TENM4: variants seen among roughly 807,000 people sequenced by gnomAD.
TENM4 encodes the protein teneurin transmembrane protein 4.
A neutral mutation model predicts 243.3 loss-of-function variants in TENM4; 82 were observed. The observed-to-expected ratio is 0.34, with a 90% CI of 0.28 to 0.40. TENM4 has a LOEUF of 0.40. TENM4 is among the 10% of genes least tolerant of loss of function. The pLI is 1.00. For synonymous variants in TENM4, 1,412 were observed against 1,456.3 expected, an observed-to-expected ratio of 0.97 and a Z score of 0.69; for missense variants, 3,138 against 3,673.3, an observed-to-expected ratio of 0.85 and a Z score of 3.77.
intron 1 of TENM4, among the ~76,000 whole-genome samples, chr11:79,316,977 T>C (rs1856813238): frequency 6.6e-6 from 1 of 152,232 alleles, no homozygotes; most frequent in Admixed American, 6.5e-5. Context: ...AACTGGGCAA[T>C]GGGAGTTATT....
intron 6 of TENM4, among the ~76,000 whole-genome samples, chr11:78,930,607 G>A (rs924904864): frequency 1.3e-5 from 2 of 152,140 alleles, no homozygotes; most frequent in Non-Finnish European, 2.9e-5. Context: ...AGGATCCTGG[G>A]GAAGATGAAA....
chr11:78,885,943 A>G (rs1855538923), intron 9 of TENM4, among the ~76,000 whole-genome samples: 1 of 152,154 alleles, frequency 6.6e-6, no homozygotes, highest in Non-Finnish European at 1.5e-5. Flanking sequence ...ACAAACAAAC[A>G]AACAAACTAA....
chr11:78,812,910 T>C (rs1857529180), intron 13 of TENM4, among the ~76,000 whole-genome samples: 3 of 152,176 alleles, frequency 2.0e-5, no homozygotes, highest in South Asian at 2.1e-4. Context: ...TTTGTGATCT[T>C]CTCTATGAAG....
chr11:78,859,655 C>T (rs1325746389), intron 10 of TENM4, among the ~76,000 whole-genome samples: 2 of 152,200 alleles, frequency 1.3e-5, no homozygotes, highest in Admixed American at 1.3e-4. Flanking sequence ...TCTCTCCCTC[C>T]ACCTTTTTGG....
chr11:79,189,182 A>G (rs1356677073), intron 3 of TENM4, among the ~76,000 whole-genome samples: 5 of 152,234 alleles, frequency 3.3e-5, no homozygotes, highest in Non-Finnish European at 7.3e-5. Flanking sequence ...GATCTTGAAT[A>G]AGGTACTTTA....
chr11:78,974,856 T>G (rs965575102), intron 6 of TENM4, among the ~76,000 whole-genome samples: 4 of 151,906 alleles, frequency 2.6e-5, no homozygotes, highest in Non-Finnish European at 5.9e-5. Flanking sequence ...GGCTAATTTT[T>G]ATATTTTTAG....
intron 1 of TENM4, among the ~76,000 whole-genome samples, chr11:79,390,017 G>T (rs896223990): frequency 6.6e-5 from 10 of 152,192 alleles, no homozygotes; most frequent in African/African-American, 2.4e-4. Context: ...CAGCTGTGTG[G>T]GGATAGATTT....
At chr11:79,004,865 A>G (rs1209054628) in intron 6 of TENM4, among the ~76,000 whole-genome samples, 4 of 151,668 alleles carry the variant, frequency 2.6e-5, no homozygotes, top group Admixed American at 2.0e-4. Context: ...GCTAATAAAG[A>G]AAAAAAGAGA....
chr11:78,896,704 G>A (rs1412814772), intron 7 of TENM4, among the ~76,000 whole-genome samples: 2 of 152,086 alleles, frequency 1.3e-5, no homozygotes, highest in Non-Finnish European at 2.9e-5. Flanking sequence ...ACCAATTTAT[G>A]CCTGGAGAAG....
At chr11:79,222,835 C>G (rs1051353393) in intron 2 of TENM4, among the ~76,000 whole-genome samples, 2 of 152,108 alleles carry the variant, frequency 1.3e-5, no homozygotes, top group Non-Finnish European at 2.9e-5. Context: ...CCTTTGCACA[C>G]TTTTTGATAG....
intron 2 of TENM4, among the ~76,000 whole-genome samples, chr11:79,265,925 T>A (rs371686470): frequency 1.3e-4 from 20 of 152,206 alleles, no homozygotes; most frequent in African/African-American, 4.1e-4. Context: ...CTCTCTCTGA[T>A]GCCTTTCTTC....
chr11:79,312,607 T>C (rs1856740354), intron 1 of TENM4, among the ~76,000 whole-genome samples: 1 of 152,168 alleles, frequency 6.6e-6, no homozygotes, highest in African/African-American at 2.4e-5. Flanking sequence ...TTCTAGCAAC[T>C]GTGTTCTTAA....
At chr11:78,928,975 G>A (rs1344206329) in intron 6 of TENM4, among the ~76,000 whole-genome samples, 2 of 152,216 alleles carry the variant, frequency 1.3e-5, no homozygotes, top group African/African-American at 2.4e-5. Flanking sequence ...CAGAATGAAC[G>A]AGAGCAGAGT....
At chr11:79,343,334 G>C (rs1164233223) in intron 1 of TENM4, among the ~76,000 whole-genome samples, 3 of 152,230 alleles carry the variant, frequency 2.0e-5, no homozygotes, top group Admixed American at 6.5e-5. Flanking sequence ...AGAGGCTCAG[G>C]AAAGTGAAGC....
At chr11:78,933,409 C>T (rs1257122923) in intron 6 of TENM4, among the ~76,000 whole-genome samples, 2 of 152,124 alleles carry the variant, frequency 1.3e-5, no homozygotes, top group Non-Finnish European at 2.9e-5. Flanking sequence ...TATTAGTCTT[C>T]CTATATCTAC....
intron 9 of TENM4, among the ~76,000 whole-genome samples, chr11:78,865,125 T>C (rs1312719505): frequency 6.6e-6 from 1 of 152,202 alleles, no homozygotes; most frequent in African/African-American, 2.4e-5. Context: ...AAAATTAAGA[T>C]AGCCATAAAA....
intron 6 of TENM4, among the ~76,000 whole-genome samples, chr11:78,999,473 A>G (rs556727429): frequency 1.5e-3 from 221 of 152,254 alleles, no homozygotes; most frequent in Admixed American, 5.1e-3. Flanking sequence ...CCGAGATCAC[A>G]CCACCGCACT....
chr11:78,701,601 G>A lies in TENM4; in HGVS notation c.5012C>T (p.Ala1671Val). 6.2e-7 allele frequency: 1 copy of A among 1,610,910 alleles called. No homozygotes were observed. The highest frequency in any genetic ancestry group is 8.5e-7 in the Non-Finnish European group (1 of 1,177,362). Residue 1671 changes from alanine (A) to valine (V), a missense_variant, in exon 28 of 34, where the codon GCC becomes GTC. By Grantham distance (64) the Ala-to-Val change is moderately conservative. Around this residue, in one of 2 missense-constraint regions of TENM4, gnomAD observed 2,467 missense variants for 3,059.1 expected, o/e 0.81. Transcript: ENST00000278550. Reference sequence around the variant, plus strand: ...GGAATTGCCATGGTATGTCATCATGGCCAACTCGTGTCCTTGTGTGGTCAC... The same window carrying A: ...GGAATTGCCATGGTATGTCATCATGACCAACTCGTGTCCTTGTGTGGTCAC... The part of the protein sequence containing the change: ...KSVTTQGHEL[A>V]MMTYHGNSGL...
chr11:78,870,329 C>T (rs906761988), intron 9 of TENM4, among the ~76,000 whole-genome samples: 4 of 152,038 alleles, frequency 2.6e-5, no homozygotes, highest in African/African-American at 9.7e-5. Context: ...CTATATGTTC[C>T]CTATTAGTTC....
Sources: gnomAD v4.1 joint callset for allele counts (sites outside exome capture counted in the v4.1 genomes callset) on GRCh38, gnomAD v4.1.1 for gene constraint, gnomAD v4.1.1 regional missense constraint, MANE v1.5 for transcripts, NCBI Gene and HGNC (gene_info 2026-07-23, HGNC 2026-07-21) for gene names.